The following CNTN3 variants were observed in gnomAD, a reference collection of about 807,000 sequenced individuals.
CNTN3 encodes the protein contactin 3, also known as contactin-3.
CNTN3 carries 60 observed loss-of-function variants against 119.1 expected under a neutral mutation model. That is an observed-to-expected ratio of 0.50 (90% CI 0.41 to 0.62). The LOEUF (loss-of-function observed/expected upper bound fraction) is 0.62. Among genes scored for constraint, CNTN3 ranks in the 20% least tolerant of loss-of-function variants. The pLI, the probability that CNTN3 is intolerant of heterozygous loss-of-function variation, is 0.00. For synonymous variants in CNTN3, 450 were observed against 438.7 expected, an observed-to-expected ratio of 1.03 and a Z score of -0.32; for missense variants, 1,101 against 1,242.4, an observed-to-expected ratio of 0.89 and a Z score of 1.71.
chr3:74,533,925 C>A (rs1459957557), intron 1 of CNTN3, among the ~76,000 whole-genome samples: 1 of 151,942 alleles, frequency 6.6e-6, no homozygotes, highest in Non-Finnish European at 1.5e-5. Flanking sequence ...TTTAGTGATA[C>A]CACTAAATAC....
intron 4 of CNTN3, among the ~76,000 whole-genome samples, chr3:74,441,536 G>C (rs190604579): frequency 6.6e-6 from 1 of 152,258 alleles, no homozygotes; most frequent in Admixed American, 6.5e-5. Context: ...TAGTTTAGTA[G>C]AACCCCACCC....
At chr3:74,551,195 C>A (rs1168735948) in intron 1 of CNTN3, among the ~76,000 whole-genome samples, 2 of 152,168 alleles carry the variant, frequency 1.3e-5, no homozygotes, top group Non-Finnish European at 2.9e-5. Flanking sequence ...GAACCTCCAG[C>A]CTACTTTACA....
At chr3:74,384,892 T>A (rs1704710655) in intron 5 of CNTN3, among the ~76,000 whole-genome samples, 1 of 152,212 alleles carries the variant, frequency 6.6e-6, no homozygotes, top group Admixed American at 6.5e-5. Flanking sequence ...ACATATCTTC[T>A]GGGATATTTA....
intron 2 of CNTN3, among the ~76,000 whole-genome samples, chr3:74,501,049 C>T (rs1309833014): frequency 1.3e-5 from 2 of 151,908 alleles, no homozygotes; most frequent in Non-Finnish European, 2.9e-5. Flanking sequence ...TTTGGCCTTA[C>T]CCTAGGTCTG....
At chr3:74,418,837 G>A (rs2106885423) in intron 5 of CNTN3, among the ~76,000 whole-genome samples, 1 of 151,838 alleles carries the variant, frequency 6.6e-6, no homozygotes, top group Admixed American at 6.6e-5. Context: ...TGCCCAGGCT[G>A]GAGTGCAATG....
At chr3:74,603,036 AGG>A (rs112076114) in intron 1 of CNTN3, among the ~76,000 whole-genome samples, 27 of 152,282 alleles carry the variant, frequency 1.8e-4, no homozygotes, top group African/African-American at 6.5e-4. Context: ...CTTGCAACTG[AGG>A]TCTCAGCTGA....
chr3:74,415,576 G>T (rs1332892511), intron 5 of CNTN3, among the ~76,000 whole-genome samples: 1 of 152,096 alleles, frequency 6.6e-6, no homozygotes, highest in African/African-American at 2.4e-5. Context: ...GATGTCCATT[G>T]CATTAGTTAT....
At position 74,301,548 on chromosome 3, in the gene CNTN3, C is replaced by A; in HGVS notation, c.1946-1G>T. 2 of 1,613,628 alleles carry A rather than the reference C, an allele frequency of 1.2e-6. No homozygotes were observed. The highest frequency in any genetic ancestry group is 1.7e-6 in the Non-Finnish European group (2 of 1,179,786). On this transcript the variant is annotated splice_acceptor_variant, in intron 15 of 22. Transcript: ENST00000263665. LOFTEE classifies it high-confidence loss of function. ...GTCTTCCCATCGATGACCTCAGGCA[C>A]TACAAAGGAATATTTCAGAGGTAAG...
In CNTN3 at chr3:74,486,466, A is replaced by T. The variant is rs1702860836; in HGVS notation, c.348T>A (p.Leu116=). 1 of 1,599,104 alleles carries T rather than the reference A, an allele frequency of 6.3e-7. No individual in the cohort carries two copies. The highest frequency in any genetic ancestry group is 1.4e-5 in the African/African-American group (1 of 73,860). The change falls in exon 4 of 23, where the codon CTT becomes CTA. Residue 116 remains leucine (L), a synonymous_variant. Coordinates refer to ENST00000263665, the MANE Select transcript of CNTN3 (RefSeq NM_020872.3). ...TGAACATAAACTTACAGGCAAACTG[A>T]AGTTTGGCTTCTCTGCTGACAATTG... ...LGTIVSREAK[L]QFAYLENFKT...
chr3:74,499,244 A>G (rs1703119139), intron 3 of CNTN3, among the ~76,000 whole-genome samples: 3 of 151,882 alleles, frequency 2.0e-5, no homozygotes, highest in Non-Finnish European at 1.5e-5. Context: ...TTCCTTACTT[A>G]TTGAACCTCC....
chr3:74,561,540 G>C (rs12496847), intron 1 of CNTN3, among the ~76,000 whole-genome samples: 150,374 of 152,226 alleles, frequency 0.99, 74,284 homozygotes, highest in Middle Eastern at 1. Context: ...TCATGCTGCA[G>C]TCTCCCATGA....
intron 5 of CNTN3, among the ~76,000 whole-genome samples, chr3:74,391,923 G>T (rs998044708): frequency 6.6e-6 from 1 of 152,166 alleles, no homozygotes; most frequent in African/African-American, 2.4e-5. Context: ...CTCCCAAAGT[G>T]CTGGGATTAC....
chr3:74,408,139 C>T (rs1253388718), intron 5 of CNTN3, among the ~76,000 whole-genome samples: 1 of 152,198 alleles, frequency 6.6e-6, no homozygotes, highest in East Asian at 1.9e-4. Flanking sequence ...TTCTGCTCCA[C>T]TGTGGGACGG....
intron 10 of CNTN3, among the ~76,000 whole-genome samples, chr3:74,363,875 G>A (rs1704130330): frequency 6.6e-6 from 1 of 151,962 alleles, no homozygotes; most frequent in Non-Finnish European, 1.5e-5. Flanking sequence ...ACTATGCCAT[G>A]GTGTTTTGCT....
chr3:74,332,844 C>G (rs1352961390), intron 13 of CNTN3, among the ~76,000 whole-genome samples: 1 of 152,148 alleles, frequency 6.6e-6, no homozygotes, highest in Non-Finnish European at 1.5e-5. Flanking sequence ...AGTAGAAGAG[C>G]TGGATTAGAG....
chr3:74,345,731 G>T (rs934502952), intron 11 of CNTN3, among the ~76,000 whole-genome samples: 4 of 152,176 alleles, frequency 2.6e-5, no homozygotes, highest in African/African-American at 9.7e-5. Flanking sequence ...AGGAGGAGTT[G>T]TGTATCTCCT....
chr3:74,496,469 C>T (rs1703065571), intron 3 of CNTN3, among the ~76,000 whole-genome samples: 1 of 152,016 alleles, frequency 6.6e-6, no homozygotes, highest in South Asian at 2.1e-4. Context: ...ATATGTTCTT[C>T]AGGCAGGCCT....
intron 22 of CNTN3, among the ~76,000 whole-genome samples, chr3:74,266,099 T>C: frequency 6.6e-6 from 1 of 152,102 alleles, no homozygotes; most frequent in East Asian, 1.9e-4. Flanking sequence ...ATTTAAAGAA[T>C]TGATAAGATT....
At chr3:74,572,709 C>T (rs1159353827) in intron 1 of CNTN3, among the ~76,000 whole-genome samples, 4 of 152,286 alleles carry the variant, frequency 2.6e-5, no homozygotes, top group East Asian at 1.9e-4. Flanking sequence ...TAATTACTTG[C>T]ATAATTAAAT....
Sources: gnomAD v4.1 joint callset for allele counts (sites outside exome capture counted in the v4.1 genomes callset) on GRCh38, gnomAD v4.1.1 for gene constraint, MANE v1.5 for transcripts, NCBI Gene and HGNC (gene_info 2026-07-23, HGNC 2026-07-21) for gene names.